The following WHRN variants were observed in gnomAD, a reference collection of about 807,000 sequenced individuals.
WHRN encodes CASK-interacting protein CIP98.
WHRN carries 41 observed loss-of-function variants against 68.3 expected under a neutral mutation model. The ratio of observed to expected loss-of-function variants is 0.60; its 90% CI spans 0.47 to 0.78. The LOEUF (loss-of-function observed/expected upper bound fraction) is 0.78. Among genes scored for constraint, WHRN ranks in the 30% least tolerant of loss-of-function variants. WHRN has a pLI of 0.00. For missense variants in WHRN, 1,243 were observed against 1,244.7 expected, an observed-to-expected ratio of 1.00 and a Z score of 0.02; for synonymous variants, 560 against 561.3, an observed-to-expected ratio of 1.00 and a Z score of 0.03.
At chr9:114,416,880 G>C (rs1351965419) in intron 7 of WHRN, among the ~76,000 whole-genome samples, 2 of 152,126 alleles carry the variant, frequency 1.3e-5, no homozygotes, top group East Asian at 3.9e-4. Context: ...AGAAATGGAG[G>C]CCCAGAAGAC....
chr9:114,414,605 G>A (rs750015062), intron 7 of WHRN, among the ~76,000 whole-genome samples: 1 of 152,216 alleles, frequency 6.6e-6, no homozygotes, highest in Non-Finnish European at 1.5e-5. Context: ...GCTTGGCTCT[G>A]TTTGGTGGAA....
rs1452352624 is a variant in WHRN, at chr9:114,402,751, C to A, written c.*3G>T. The A allele has an allele frequency of 6.2e-7, 1 of 1,613,782 alleles. No individual in the cohort carries two copies. Among genetic ancestry groups the A allele is most frequent in the Admixed American group, 1.7e-5 (1 of 60,024 alleles). On this transcript the variant is annotated 3_prime_UTR_variant, in exon 12 of 12. Transcript: ENST00000362057. ...GTGGTGGGAGGCCCTCAGGCCTTGG[C>A]CTCTAGAGCATCACATTGAACTCAG...
intron 3 of WHRN, among the ~76,000 whole-genome samples, chr9:114,446,629 G>A (rs1310607853): frequency 3.9e-5 from 6 of 152,104 alleles, no homozygotes; most frequent in African/African-American, 1.4e-4. Context: ...TTTAGTAGCT[G>A]GAAAAATAAA....
At chr9:114,408,760 A>G (rs1423000561) in intron 7 of WHRN, among the ~76,000 whole-genome samples, 1 of 152,224 alleles carries the variant, frequency 6.6e-6, no homozygotes, top group Non-Finnish European at 1.5e-5. Flanking sequence ...ATGCTGAGAT[A>G]GCTGGTAAAA....
At chr9:114,494,624 A>G (rs992524128) in intron 1 of WHRN, among the ~76,000 whole-genome samples, 1 of 152,068 alleles carries the variant, frequency 6.6e-6, no homozygotes, top group Non-Finnish European at 1.5e-5. Context: ...CAAAGACGCA[A>G]CCCCTCAAGT....
intron 2 of WHRN, among the ~76,000 whole-genome samples, chr9:114,473,527 A>C (rs1841414436): frequency 6.6e-6 from 1 of 152,206 alleles, no homozygotes; most frequent in African/African-American, 2.4e-5. Flanking sequence ...ATCTCTGGAA[A>C]ATCGGAATAA....
In WHRN at chr9:114,406,092, C is replaced by T. The variant is rs1193748628; in HGVS notation, c.2236+263G>A. Reference sequence around the variant, plus strand: ...GAGCTGGAGAAGGCACCCCGACGCTCGCAGCAACCTGGCAGGACTGTCACT... The same window carrying T: ...GAGCTGGAGAAGGCACCCCGACGCTTGCAGCAACCTGGCAGGACTGTCACT... On this transcript the variant is annotated intron_variant, in intron 9 of 11. Coordinates refer to ENST00000362057, the MANE Select transcript of WHRN (RefSeq NM_015404.4). 3.9e-5 allele frequency among the ~76,000 whole-genome samples: 6 copies of T among 152,224 alleles called. No individual in the cohort carries two copies. The East Asian group carries it at 1.2e-3, about 29-fold the overall frequency.
At chr9:114,484,216 C>T (rs375148645) in intron 1 of WHRN, among the ~76,000 whole-genome samples, 7 of 152,174 alleles carry the variant, frequency 4.6e-5, no homozygotes, top group South Asian at 2.1e-4. Context: ...GCTGCCCCTC[C>T]GAGGCCACGG....
At chr9:114,421,019 C>T (rs183542489) in intron 7 of WHRN, among the ~76,000 whole-genome samples, 41 of 152,180 alleles carry the variant, frequency 2.7e-4, no homozygotes, top group African/African-American at 9.6e-4. Flanking sequence ...CTAATCCTGA[C>T]ATGCATGTGC....
intron 3 of WHRN, among the ~76,000 whole-genome samples, chr9:114,450,257 G>A (rs929488948): frequency 2.0e-5 from 3 of 152,192 alleles, no homozygotes; most frequent in African/African-American, 4.8e-5. Flanking sequence ...AAAGCAACCA[G>A]GTGCTGGAGA....
At position 114,475,920 on chromosome 9, in the gene WHRN, G is replaced by A. The variant is rs376633891; in HGVS notation, c.837+2633C>T. On this transcript the variant is annotated intron_variant, in intron 2 of 11. Transcript: ENST00000362057. ...GTTCAGGGTGTCTCCTGCCTCCTTC[G>A]GTATCTGGGTCCTCCCTGGAGTATG... Among the ~76,000 whole-genome samples, 14 of 152,058 alleles carry A rather than the reference G, an allele frequency of 9.2e-5. No individual in the cohort carries two copies. In the East Asian group the frequency reaches 1.2e-3, roughly 13 times the overall value.
At position 114,433,388 on chromosome 9, in the gene WHRN, G is replaced by A. The variant is rs565480129; in HGVS notation, c.964-6975C>T. 5.3e-5 allele frequency among the ~76,000 whole-genome samples: 8 copies of A among 152,322 alleles called. No homozygotes were observed. In the South Asian group the frequency reaches 1.2e-3, roughly 24 times the overall value. On this transcript the variant is annotated intron_variant, in intron 3 of 11. Transcript: ENST00000362057. ...CCGCGCGTGCACCTGTACCAGCCAC[G>A]CTGGGAAGGGCCCGAAAGAAGCCGA...
At chr9:114,450,388 A>G (rs751120109) in intron 3 of WHRN, among the ~76,000 whole-genome samples, 2 of 152,020 alleles carry the variant, frequency 1.3e-5, no homozygotes, top group Non-Finnish European at 2.9e-5. Flanking sequence ...ACAATACAAG[A>G]CTGTCCCCTA....
chr9:114,493,167 T>C (rs1239875775), intron 1 of WHRN, among the ~76,000 whole-genome samples: 1 of 151,242 alleles, frequency 6.6e-6, no homozygotes, highest in Non-Finnish European at 1.5e-5. Context: ...CTGGGCGACA[T>C]AGTGAGACCT....
chr9:114,427,452 G>A (rs1010216708), intron 3 of WHRN, among the ~76,000 whole-genome samples: 2 of 152,198 alleles, frequency 1.3e-5, no homozygotes, highest in Non-Finnish European at 2.9e-5. Flanking sequence ...ACGGGAAAGG[G>A]CTGCCCAGGG....
chr9:114,458,609 C>T (rs1391285735), intron 3 of WHRN, among the ~76,000 whole-genome samples: 1 of 152,182 alleles, frequency 6.6e-6, no homozygotes, highest in Non-Finnish European at 1.5e-5. Context: ...CTGTCCCTCC[C>T]TGGGTGCCCC....
At chr9:114,494,778 C>T (rs1218489375) in intron 1 of WHRN, among the ~76,000 whole-genome samples, 1 of 152,182 alleles carries the variant, frequency 6.6e-6, no homozygotes. Context: ...TGAGGCTTAA[C>T]TGAGTTTATA....
At chr9:114,472,581 G>T (rs1841326292) in intron 2 of WHRN, among the ~76,000 whole-genome samples, 1 of 152,074 alleles carries the variant, frequency 6.6e-6, no homozygotes, top group African/African-American at 2.4e-5. Flanking sequence ...TTTTACAATA[G>T]ACTGTATATT....
intron 3 of WHRN, among the ~76,000 whole-genome samples, chr9:114,451,223 C>A (rs1432870650): frequency 6.6e-6 from 1 of 152,214 alleles, no homozygotes; most frequent in Non-Finnish European, 1.5e-5. Context: ...GGCACTGTGA[C>A]TTTGTGCTCA....
Sources: allele counts gnomAD v4.1 joint callset (sites outside exome capture counted in the v4.1 genomes callset), GRCh38; gene constraint gnomAD v4.1.1; transcripts MANE v1.5; gene names NCBI Gene and HGNC (gene_info 2026-07-23, HGNC 2026-07-21).